The following MLLT1 variants were observed in gnomAD, a reference collection of about 807,000 sequenced individuals.
The protein encoded by MLLT1 is MLLT1 super elongation complex subunit.
A neutral mutation model predicts 55.1 loss-of-function variants in MLLT1; 11 were observed. The observed-to-expected ratio is 0.20, with a 90% CI of 0.13 to 0.33. The LOEUF (loss-of-function observed/expected upper bound fraction) is 0.33. MLLT1 is among the 10% of genes least tolerant of loss of function. The pLI, the probability that MLLT1 is intolerant of heterozygous loss-of-function variation, is 1.00. For missense variants in MLLT1, 536 were observed against 760.6 expected (o/e 0.70, Z 3.47); for synonymous variants, 323 against 320.1 (o/e 1.01, Z -0.10).
At chr19:6,243,578 AG>A (rs1280030967) in intron 3 of MLLT1, among the ~76,000 whole-genome samples, 14 of 152,270 alleles carry the variant, frequency 9.2e-5, no homozygotes, top group Admixed American at 7.8e-4. Flanking sequence ...CCCCTTATGC[AG>A]GATCTAACAG....
intron 7 of MLLT1, chr19:6,216,929 C>T (rs1380612716): frequency 5.5e-5 from 11 of 198,340 alleles, no homozygotes; most frequent in Admixed American, 4.5e-4. Flanking sequence ...GATCTCTCTT[C>T]CTGCACCCTA....
intron 3 of MLLT1, among the ~76,000 whole-genome samples, chr19:6,238,008 G>A (rs888054304): frequency 6.6e-6 from 1 of 152,156 alleles, no homozygotes. Flanking sequence ...AGGAGGCTGA[G>A]GCAGAAGGAT....
intron 5 of MLLT1, among the ~76,000 whole-genome samples, chr19:6,224,891 G>A (rs539978802): frequency 2.6e-5 from 4 of 152,200 alleles, no homozygotes; most frequent in East Asian, 1.9e-4. Flanking sequence ...CACCACGCCC[G>A]GCTAACTTTT....
rs370056822 is a variant in MLLT1 at position 6,220,339 on chromosome 19, G to A, written c.1110+1782C>T. ...GAGGCGTCAGGGACTCTGTGCTGTT[G>A]GGGCCTGGGTCTCACTCCCGCACAG... is the stretch of plus-strand genomic sequence containing the variant. On this transcript the variant is annotated intron_variant, in intron 6 of 11. Coordinates refer to ENST00000252674, the MANE Select transcript of MLLT1 (RefSeq NM_005934.4). 1.9e-4 allele frequency among the ~76,000 whole-genome samples: 29 copies of A among 152,348 alleles called. No homozygotes were observed. In the East Asian group the frequency reaches 3.3e-3, roughly 17 times the overall value.
rs2090983036 is a variant in MLLT1, at chr19:6,229,231, T to A, written c.420+1339A>T. ...AGGGCGCTGGGACCCAGCCCTCACA[T>A]CCTCAGGCCACCCAGCACTCAGCCA... On this transcript the variant is annotated intron_variant, in intron 4 of 11. Transcript: ENST00000252674. The surrounding 1 kb of genome is among the most constrained non-coding windows in gnomAD (Gnocchi z 5.2). Among the ~76,000 whole-genome samples, 1 of 151,806 alleles carries A rather than the reference T, an allele frequency of 6.6e-6. No individual in the cohort carries two copies. The highest frequency in any genetic ancestry group is 2.4e-5 in the African/African-American group (1 of 41,304).
rs951478394 is a variant in MLLT1, at chr19:6,226,096, G to T, written c.546+881C>A. 6.6e-6 allele frequency among the ~76,000 whole-genome samples: 1 copy of T among 152,244 alleles called. No homozygotes were observed. Among genetic ancestry groups the T allele is most frequent in the East Asian group, 1.9e-4 (1 of 5,188 alleles). ...TCTTCTCCCGCATGGCTGACGGTGA[G>T]TCTGTGAGGCAGCTGGAGAGCCCTG... On this transcript the variant is annotated intron_variant, in intron 5 of 11. Coordinates refer to ENST00000252674, the MANE Select transcript of MLLT1 (RefSeq NM_005934.4). The surrounding 1 kb of genome is among the most constrained non-coding windows in gnomAD (Gnocchi z 6.3).
intron 5 of MLLT1, among the ~76,000 whole-genome samples, chr19:6,225,592 C>A (rs2144866839): frequency 6.6e-6 from 1 of 152,290 alleles, no homozygotes; most frequent in Non-Finnish European, 1.5e-5. Flanking sequence ...CGATGCTCCC[C>A]ACAGATGCCG....
At chr19:6,269,328 A>T (rs1014908733) in intron 2 of MLLT1, among the ~76,000 whole-genome samples, 6 of 152,370 alleles carry the variant, frequency 3.9e-5, no homozygotes, top group Non-Finnish European at 5.9e-5. Context: ...GATCCTGCGC[A>T]CGAAGCGCTG....
intron 1 of MLLT1, among the ~76,000 whole-genome samples, chr19:6,276,429 G>A (rs763419353): frequency 1.3e-5 from 2 of 152,152 alleles, no homozygotes; most frequent in Admixed American, 1.3e-4. Flanking sequence ...GAAGAACATC[G>A]TTGTGAGGCA....
rs778744406 is a variant in MLLT1, at chr19:6,240,194, C to G, written c.277-9481G>C. Among the ~76,000 whole-genome samples, 46 of 152,334 alleles carry G rather than the reference C, an allele frequency of 3.0e-4. No individual in the cohort carries two copies. Among genetic ancestry groups the G allele is most frequent in the Non-Finnish European group, 5.0e-4 (34 of 68,026 alleles). On this transcript the variant is annotated intron_variant, in intron 3 of 11. Coordinates refer to ENST00000252674, the MANE Select transcript of MLLT1 (RefSeq NM_005934.4). The surrounding 1 kb of genome is among the most constrained non-coding windows in gnomAD (Gnocchi z 4.7). ...CTTCACGCCTGCCTGACCGCTCAGC[C>G]TGGGAGGCCAGGGAGACCCCAGAGG...
intron 3 of MLLT1, among the ~76,000 whole-genome samples, chr19:6,257,758 G>A (rs924968829): frequency 2.0e-5 from 3 of 150,834 alleles, no homozygotes; most frequent in South Asian, 2.1e-4. Context: ...CCGAGATGGC[G>A]CCACTGCACT....
Position 6,273,268 on chromosome 19 carries a change from T to TG in MLLT1, c.13-2510dup, listed in dbSNP as rs201790671. 3.2e-4 allele frequency among the ~76,000 whole-genome samples: 48 copies of TG among 150,646 alleles called. 1 individual carries two copies. In the East Asian group the frequency reaches 9.3e-3, roughly 29 times the overall value. The stretch of plus-strand genomic sequence containing the variant: ...CCCATGAGGAGGCAACCAGAAGGAG[T>TG]GGCTGGAAAAAGGGGTGAACACAGC... On this transcript the variant is annotated intron_variant, in intron 1 of 11. Coordinates refer to ENST00000252674, the MANE Select transcript of MLLT1 (RefSeq NM_005934.4). The surrounding 1 kb of genome is among the most constrained non-coding windows in gnomAD (Gnocchi z 4.3).
rs1006026371 is a variant in MLLT1, at chr19:6,262,687, G to A, written c.194-377C>T. Among the ~76,000 whole-genome samples, 5 of 152,124 alleles carry A rather than the reference G, an allele frequency of 3.3e-5. No homozygotes were observed. Among genetic ancestry groups the A allele is most frequent in the Admixed American group, 2.6e-4 (4 of 15,296 alleles). ...GGTAAGCGTGACCTGGGTGAGGTGTGAAACCCAGCAGGGAGGGCCACACAC... is the reference window on the plus strand; with the variant it reads ...GGTAAGCGTGACCTGGGTGAGGTGTAAAACCCAGCAGGGAGGGCCACACAC... On this transcript the variant is annotated intron_variant, in intron 2 of 11. Coordinates refer to ENST00000252674, the MANE Select transcript of MLLT1 (RefSeq NM_005934.4). The surrounding 1 kb of genome is among the most constrained non-coding windows in gnomAD (Gnocchi z 4.4).
intron 11 of MLLT1, 41 bp downstream of exon 11, chr19:6,213,295 CA>C (rs1312386885): frequency 6.2e-6 from 10 of 1,610,592 alleles, no homozygotes; most frequent in Non-Finnish European, 8.5e-6. Context: ...TCCTCACAGG[CA>C]CCCCGACCTC....
chr19:6,217,470 T>C (rs1382757388), intron 7 of MLLT1, among the ~76,000 whole-genome samples: 2 of 152,082 alleles, frequency 1.3e-5, no homozygotes, highest in Non-Finnish European at 2.9e-5. Context: ...TGGGCCTATG[T>C]CCTTTCCCCA....
chr19:6,246,787 G>A (rs1380225389), intron 3 of MLLT1, among the ~76,000 whole-genome samples: 2 of 152,142 alleles, frequency 1.3e-5, no homozygotes, highest in Non-Finnish European at 2.9e-5. Flanking sequence ...GGCAGAGGGG[G>A]CAGACCCAAG....
chr19:6,254,353 A>G (rs1394310618), intron 3 of MLLT1, among the ~76,000 whole-genome samples: 1 of 152,194 alleles, frequency 6.6e-6, no homozygotes, highest in African/African-American at 2.4e-5. Context: ...CGCACTCTTT[A>G]CAACAAACCA....
intron 3 of MLLT1, among the ~76,000 whole-genome samples, chr19:6,260,608 AG>A (rs2091296435): frequency 6.6e-6 from 1 of 152,238 alleles, no homozygotes; most frequent in African/African-American, 2.4e-5. Flanking sequence ...TGAGGGCACT[AG>A]GAAGTAGAAT....
chr19:6,266,169 T>C (rs1254308266), intron 2 of MLLT1, among the ~76,000 whole-genome samples: 2 of 146,760 alleles, frequency 1.4e-5, no homozygotes, highest in Admixed American at 1.4e-4. Flanking sequence ...CTCAGCTACT[T>C]GGGAGGCTGA....
Sources: gnomAD v4.1 joint callset for allele counts (sites outside exome capture counted in the v4.1 genomes callset) on GRCh38, gnomAD v4.1.1 for gene constraint, Gnocchi (gnomAD v3.1) non-coding constraint, MANE v1.5 for transcripts, NCBI Gene and HGNC (gene_info 2026-07-23, HGNC 2026-07-21) for gene names.